Variants in NAALADL2 observed in about 807,000 individuals in gnomAD.
NAALADL2 encodes the protein inactive N-acetylated-alpha-linked acidic dipeptidase-like protein 2.
A neutral mutation model predicts 87.2 loss-of-function variants in NAALADL2; 76 were observed. That is an observed-to-expected ratio of 0.87 (90% CI 0.72 to 1.05). NAALADL2 has a LOEUF of 1.05. NAALADL2 is among the 50% of genes least tolerant of loss of function. NAALADL2 has a pLI of 0.00. For synonymous variants in NAALADL2, 354 were observed against 331.0 expected (o/e 1.07, Z -0.75); for missense variants, 1,089 against 945.8 (o/e 1.15, Z -1.99).
At chr3:175,652,385 C>T (rs1179377564) in intron 11 of NAALADL2, among the ~76,000 whole-genome samples, 1 of 152,086 alleles carries the variant, frequency 6.6e-6, no homozygotes, top group East Asian at 1.9e-4. Context: ...CCCCTCACCC[C>T]ACCAAATACA....
At chr3:175,371,311 A>G (rs1203694289) in intron 5 of NAALADL2, among the ~76,000 whole-genome samples, 2 of 152,022 alleles carry the variant, frequency 1.3e-5, no homozygotes, top group African/African-American at 2.4e-5. Flanking sequence ...TCTTTCGCCC[A>G]GGCCGGACTG....
chr3:175,691,291 A>G (rs563053390), intron 11 of NAALADL2, among the ~76,000 whole-genome samples: 78 of 151,136 alleles, frequency 5.2e-4, no homozygotes, highest in African/African-American at 1.8e-3. Context: ...GGATAAAACA[A>G]TTACTATAAA....
chr3:175,739,376 A>G (rs1583068273), intron 12 of NAALADL2, among the ~76,000 whole-genome samples: 1 of 152,202 alleles, frequency 6.6e-6, no homozygotes, highest in Non-Finnish European at 1.5e-5. Flanking sequence ...ATTGTCTGAC[A>G]TAAGAAATCT....
chr3:174,886,490 A>G (rs934814062), intron 1 of NAALADL2, among the ~76,000 whole-genome samples: 3 of 152,176 alleles, frequency 2.0e-5, no homozygotes, highest in Admixed American at 2.0e-4. Flanking sequence ...CTTCAATCCA[A>G]TCAAGTTGAC....
intron 1 of NAALADL2, among the ~76,000 whole-genome samples, chr3:174,509,956 G>T (rs921897535): frequency 6.6e-6 from 1 of 152,042 alleles, no homozygotes; most frequent in African/African-American, 2.4e-5. Context: ...ATCATGAATA[G>T]GTGTCAAATT....
intron 2 of NAALADL2, among the ~76,000 whole-genome samples, chr3:175,172,747 T>C (rs1292827442): frequency 1.3e-5 from 2 of 152,110 alleles, no homozygotes; most frequent in African/African-American, 2.4e-5. Context: ...AGGAATTTCA[T>C]TGAAGAAATG....
chr3:175,622,222 C>T (rs891620125), intron 10 of NAALADL2, among the ~76,000 whole-genome samples: 1 of 151,998 alleles, frequency 6.6e-6, no homozygotes, highest in Non-Finnish European at 1.5e-5. Flanking sequence ...TCATTGATTT[C>T]ATTAATAAAA....
chr3:174,928,347 C>A (rs1736388164), intron 1 of NAALADL2, among the ~76,000 whole-genome samples: 3 of 152,168 alleles, frequency 2.0e-5, no homozygotes, highest in African/African-American at 7.2e-5. Context: ...TCAAGCGATT[C>A]TTCTGCCTCA....
At chr3:175,699,739 A>T (rs1287486108) in intron 11 of NAALADL2, among the ~76,000 whole-genome samples, 1 of 151,712 alleles carries the variant, frequency 6.6e-6, no homozygotes, top group East Asian at 1.9e-4. Context: ...CCACTGAGTG[A>T]CAATTAGAAA....
intron 3 of NAALADL2, among the ~76,000 whole-genome samples, chr3:174,746,085 T>A (rs1239553679): frequency 1.3e-5 from 2 of 152,070 alleles, no homozygotes; most frequent in Admixed American, 6.5e-5. Context: ...GCCAGCACAA[T>A]CAGGTAAGAG....
chr3:175,510,922 C>G (rs893937609), intron 9 of NAALADL2, among the ~76,000 whole-genome samples: 2 of 152,148 alleles, frequency 1.3e-5, no homozygotes, highest in Non-Finnish European at 2.9e-5. Context: ...CAGGGTGCCT[C>G]TCATATACTT....
At chr3:174,886,210 G>A (rs1056663418) in intron 1 of NAALADL2, among the ~76,000 whole-genome samples, 6 of 152,024 alleles carry the variant, frequency 3.9e-5, no homozygotes, top group Admixed American at 1.3e-4. Flanking sequence ...ACTATGCCCC[G>A]CCTGTCGGAG....
intron 11 of NAALADL2, among the ~76,000 whole-genome samples, chr3:175,719,430 G>A (rs1741904983): frequency 6.6e-6 from 1 of 151,762 alleles, no homozygotes; most frequent in Non-Finnish European, 1.5e-5. Context: ...TCTACCACAT[G>A]TGGAAATGGT....
chr3:175,120,839 A>G (rs1048976704), intron 2 of NAALADL2, among the ~76,000 whole-genome samples: 1 of 151,844 alleles, frequency 6.6e-6, no homozygotes, highest in African/African-American at 2.4e-5. Flanking sequence ...GTTGTTATAT[A>G]GGTATAATCT....
intron 1 of NAALADL2, among the ~76,000 whole-genome samples, chr3:174,472,766 G>C (rs1392311569): frequency 6.6e-6 from 1 of 151,926 alleles, no homozygotes; most frequent in African/African-American, 2.4e-5. Context: ...GGCTGTAATA[G>C]TCTCAGTCCA....
intron 1 of NAALADL2, among the ~76,000 whole-genome samples, chr3:175,085,034 A>T (rs1718615818): frequency 6.6e-6 from 1 of 152,062 alleles, no homozygotes; most frequent in African/African-American, 2.4e-5. Context: ...CATACTACAA[A>T]ATTTTGTTAG....
At chr3:175,245,703 C>T (rs1747848052) in intron 3 of NAALADL2, among the ~76,000 whole-genome samples, 2 of 152,216 alleles carry the variant, frequency 1.3e-5, no homozygotes, top group Middle Eastern at 3.4e-3. Context: ...TGAGAAGTCA[C>T]CCCTTTATCT....
At chr3:175,207,935 T>C (rs1044752228) in intron 2 of NAALADL2, among the ~76,000 whole-genome samples, 6 of 152,084 alleles carry the variant, frequency 3.9e-5, no homozygotes, top group African/African-American at 1.4e-4. Context: ...ATCAATGACT[T>C]GAGGAGAAGA....
At chr3:175,164,905 A>G (rs780665172) in intron 2 of NAALADL2, among the ~76,000 whole-genome samples, 13 of 152,170 alleles carry the variant, frequency 8.5e-5, no homozygotes, top group Non-Finnish European at 1.3e-4. Context: ...AAACATCAGA[A>G]GCAAAGGAAT....
Sources: gnomAD v4.1 joint callset for allele counts (sites outside exome capture counted in the v4.1 genomes callset) on GRCh38, gnomAD v4.1.1 for gene constraint, MANE v1.5 for transcripts, NCBI Gene and HGNC (gene_info 2026-07-23, HGNC 2026-07-21) for gene names.